Variants in NFIA observed in about 807,000 individuals in gnomAD.
The protein encoded by NFIA is nuclear factor I A.
A neutral mutation model predicts 62.8 loss-of-function variants in NFIA; 8 were observed. The ratio of observed to expected loss-of-function variants is 0.13; its 90% CI spans 0.07 to 0.23. The LOEUF (loss-of-function observed/expected upper bound fraction) is 0.23. NFIA is among the 10% of genes least tolerant of loss of function. The probability of loss-of-function intolerance (pLI) is 1.00; values close to 1 mark genes in which losing one functional copy is unlikely to be tolerated. For missense variants in NFIA, 410 were observed against 642.1 expected (o/e 0.64, Z 3.91); for synonymous variants, 235 against 238.1 (o/e 0.99, Z 0.12).
At chr1:61,208,045 G>A (rs561232935) in intron 2 of NFIA, among the ~76,000 whole-genome samples, 44 of 147,150 alleles carry the variant, frequency 3.0e-4, no homozygotes, top group African/African-American at 1.0e-3. Flanking sequence ...TCTGCAATGC[G>A]TGAAGCACTT....
At chr1:61,255,691 G>T (rs1656347267) in intron 2 of NFIA, among the ~76,000 whole-genome samples, 1 of 152,170 alleles carries the variant, frequency 6.6e-6, no homozygotes, top group African/African-American at 2.4e-5. Flanking sequence ...TTTGGTTTTG[G>T]TGGGAAGTTT....
intron 1 of NFIA, among the ~76,000 whole-genome samples, chr1:61,087,462 T>C (rs139127913): frequency 0.012 from 1,777 of 152,250 alleles, 20 homozygotes; most frequent in Middle Eastern, 0.065. Context: ...TATTTTAGCC[T>C]AATAAATATC....
intron 2 of NFIA, among the ~76,000 whole-genome samples, chr1:61,139,840 G>A (rs970980140): frequency 3.4e-5 from 5 of 148,146 alleles, no homozygotes; most frequent in African/African-American, 5.0e-5. Flanking sequence ...CATCTCCCAC[G>A]GAGGTATAAC....
intron 10 of NFIA, among the ~76,000 whole-genome samples, chr1:61,437,609 GA>G (rs1400947647): frequency 1.3e-5 from 2 of 152,280 alleles, no homozygotes; most frequent in East Asian, 3.9e-4. Flanking sequence ...ATAGCTCACA[GA>G]AAGAAAAGTA....
intron 7 of NFIA, among the ~76,000 whole-genome samples, chr1:61,400,652 C>T (rs1312475806): frequency 1.3e-5 from 2 of 152,182 alleles, no homozygotes; most frequent in Admixed American, 6.5e-5. Context: ...CTCACACACA[C>T]ACATCCATAA....
intron 2 of NFIA, among the ~76,000 whole-genome samples, chr1:61,201,933 C>T (rs768413423): frequency 1.3e-5 from 2 of 151,562 alleles, no homozygotes; most frequent in African/African-American, 2.4e-5. Context: ...GAACAACTAT[C>T]GTGTAAGAAA....
At chr1:61,382,552 G>A (rs1009552698) in intron 6 of NFIA, among the ~76,000 whole-genome samples, 3 of 152,114 alleles carry the variant, frequency 2.0e-5, no homozygotes, top group African/African-American at 7.2e-5. Flanking sequence ...CTTTTCAATG[G>A]TGTCATAGTA....
At chr1:61,185,582 T>C (rs1381511684) in intron 2 of NFIA, among the ~76,000 whole-genome samples, 1 of 152,010 alleles carries the variant, frequency 6.6e-6, no homozygotes, top group Non-Finnish European at 1.5e-5. Flanking sequence ...TGCATTGGCC[T>C]GCAAAGACAC....
chr1:61,230,529 A>G (rs1557650601), intron 2 of NFIA, among the ~76,000 whole-genome samples: 1 of 152,072 alleles, frequency 6.6e-6, no homozygotes, highest in South Asian at 2.1e-4. Context: ...GTTTCCTTCA[A>G]TTTTAGACCT....
At chr1:61,373,240 C>G (rs1445202153) in intron 6 of NFIA, among the ~76,000 whole-genome samples, 1 of 152,046 alleles carries the variant, frequency 6.6e-6, no homozygotes, top group Non-Finnish European at 1.5e-5. Context: ...GAACAGAGTG[C>G]AGAGATGAAA....
At chr1:61,229,070 G>A (rs1315290404) in intron 2 of NFIA, among the ~76,000 whole-genome samples, 5 of 151,842 alleles carry the variant, frequency 3.3e-5, no homozygotes, top group African/African-American at 1.2e-4. Context: ...TCATATAGGG[G>A]AGGAAATAAA....
chr1:61,293,654 C>T (rs148318925), intron 3 of NFIA, among the ~76,000 whole-genome samples: 1 of 152,286 alleles, frequency 6.6e-6, no homozygotes, highest in East Asian at 1.9e-4. Flanking sequence ...CCCCACTTTA[C>T]TCTAATTCAA....
At chr1:61,213,972 AC>A (rs1487626525) in intron 2 of NFIA, among the ~76,000 whole-genome samples, 3 of 152,188 alleles carry the variant, frequency 2.0e-5, no homozygotes. Flanking sequence ...AAGGTGGGAT[AC>A]AAATTATTGA....
chr1:61,224,914 C>T (rs1654234996), intron 2 of NFIA, among the ~76,000 whole-genome samples: 1 of 152,126 alleles, frequency 6.6e-6, no homozygotes, highest in Admixed American at 6.5e-5. Context: ...TTTCATGAGG[C>T]ACTAAAGTCC....
intron 2 of NFIA, among the ~76,000 whole-genome samples, chr1:61,240,236 C>T (rs1655264087): frequency 6.6e-6 from 1 of 152,044 alleles, no homozygotes. Context: ...GTAGTGGAAA[C>T]ATTGTTATTA....
intron 6 of NFIA, among the ~76,000 whole-genome samples, chr1:61,370,065 G>GA (rs1663805473): frequency 6.6e-6 from 1 of 152,220 alleles, no homozygotes; most frequent in Non-Finnish European, 1.5e-5. Flanking sequence ...AGAGAGGGAA[G>GA]AAATAAGTCC....
chr1:61,148,224 CA>C (rs796359795), intron 2 of NFIA, among the ~76,000 whole-genome samples: 3 of 152,250 alleles, frequency 2.0e-5, no homozygotes, highest in African/African-American at 7.2e-5. Context: ...GTTGTTGTGG[CA>C]AAGTCTCTTA....
intron 2 of NFIA, chr1:61,251,316 T>G (rs934726655): frequency 6.6e-6 from 1 of 152,130 alleles, no homozygotes; most frequent in South Asian, 2.1e-4. Flanking sequence ...AAGTTTGGAG[T>G]TAATTTGGTT....
At chr1:61,236,968 G>T (rs546253342) in intron 2 of NFIA, among the ~76,000 whole-genome samples, 3 of 152,216 alleles carry the variant, frequency 2.0e-5, no homozygotes, top group Admixed American at 1.3e-4. Flanking sequence ...ATTGTTGAAT[G>T]AATTAATTAA....
Sources: allele counts gnomAD v4.1 joint callset (sites outside exome capture counted in the v4.1 genomes callset), GRCh38; gene constraint gnomAD v4.1.1; transcripts MANE v1.5; gene names NCBI Gene and HGNC (gene_info 2026-07-23, HGNC 2026-07-21).